The following STPG4 variants were observed in gnomAD, a reference collection of about 807,000 sequenced individuals.
STPG4 encodes the protein protein STPG4.
In STPG4, 41 loss-of-function variants were observed where a neutral mutation model predicts 31.5. The ratio of observed to expected loss-of-function variants is 1.30; its 90% CI spans 1.01 to 1.69. STPG4 has a LOEUF of 1.69. Ranked by LOEUF, STPG4 falls within the 40% of genes most tolerant of loss-of-function variation. STPG4 has a pLI of 0.00. For missense variants in STPG4, 375 were observed against 293.4 expected, an observed-to-expected ratio of 1.28 and a Z score of -2.03; for synonymous variants, 141 against 103.0, an observed-to-expected ratio of 1.37 and a Z score of -2.24.
intron 3 of STPG4, among the ~76,000 whole-genome samples, chr2:47,142,891 T>C (rs1686744126): frequency 7.5e-6 from 1 of 133,474 alleles, no homozygotes; most frequent in Non-Finnish European, 1.5e-5. Flanking sequence ...TTGCGCAGGC[T>C]GGAGTGCAGT....
intron 5 of STPG4, among the ~76,000 whole-genome samples, chr2:47,125,034 C>T (rs1295061982): frequency 6.6e-6 from 1 of 152,156 alleles, no homozygotes; most frequent in African/African-American, 2.4e-5. Flanking sequence ...ATGTTGAGCA[C>T]CGTTTTATAC....
rs1041093371 is a variant in STPG4, at chr2:47,116,555, C to T, written c.519+13386G>A. On this transcript the variant is annotated intron_variant, in intron 5 of 6. Transcript: ENST00000445927. ...AAGGCTACTGTCTAAAAGCATAGCA[C>T]ACGTGTTCCATGCACTGAAAGAACA... 2.0e-4 allele frequency among the ~76,000 whole-genome samples: 30 copies of T among 152,188 alleles called. 1 individual carries two copies. Among genetic ancestry groups the T allele is most frequent in the African/African-American group, 6.5e-4 (27 of 41,450 alleles).
chr2:47,122,870 G>T (rs1240262133), intron 5 of STPG4, among the ~76,000 whole-genome samples: 1 of 152,132 alleles, frequency 6.6e-6, no homozygotes, highest in African/African-American at 2.4e-5. Context: ...CTATTGCCCA[G>T]GCTGGAGAGC....
chr2:47,105,150 G>C (rs1685884324), intron 5 of STPG4, among the ~76,000 whole-genome samples: 1 of 151,904 alleles, frequency 6.6e-6, no homozygotes, highest in African/African-American at 2.4e-5. Flanking sequence ...CCACAGGACA[G>C]AACTTCTCTT....
intron 5 of STPG4, among the ~76,000 whole-genome samples, chr2:47,101,782 C>T (rs1424426012): frequency 1.3e-5 from 2 of 151,848 alleles, no homozygotes; most frequent in Non-Finnish European, 2.9e-5. Flanking sequence ...CCTTCCTATT[C>T]ATGAGCAAAG....
At chr2:47,153,390 G>A (rs753587336) in intron 1 of STPG4, among the ~76,000 whole-genome samples, 21 of 152,192 alleles carry the variant, frequency 1.4e-4, no homozygotes, top group Non-Finnish European at 2.6e-4. Context: ...TGCACTGGGT[G>A]AGTTACCCAA....
intron 5 of STPG4, among the ~76,000 whole-genome samples, chr2:47,128,349 C>A (rs544976106): frequency 2.3e-4 from 35 of 152,134 alleles, no homozygotes; most frequent in Non-Finnish European, 3.7e-4. Context: ...CTAGCTACTG[C>A]CCATGTTCAC....
At chr2:47,130,382 A>G (rs1686453419) in intron 3 of STPG4, 122 bp from the exon 4 acceptor site, 1 of 756,434 alleles carries the variant, frequency 1.3e-6, no homozygotes, top group African/African-American at 1.8e-5. Context: ...TCTTTACTTT[A>G]ATAGTGGAAA....
At position 47,088,848 on chromosome 2, in the gene STPG4, T is replaced by C. The variant is rs576889908; in HGVS notation, c.624+1422A>G. 5.9e-5 allele frequency among the ~76,000 whole-genome samples: 9 copies of C among 152,284 alleles called. No individual in the cohort carries two copies. The Middle Eastern group carries it at 0.01, about 173-fold the overall frequency. On this transcript the variant is annotated intron_variant, in intron 6 of 6. Transcript: ENST00000445927. ...ACGTCAAAGGAAGCTGAAGCCTTTA[T>C]TATTGCTATTAATGAGGGTTCAAAG...
intron 5 of STPG4, among the ~76,000 whole-genome samples, chr2:47,105,968 G>A (rs1289818983): frequency 6.6e-6 from 1 of 151,930 alleles, no homozygotes; most frequent in Admixed American, 6.6e-5. Flanking sequence ...CACTGACAAA[G>A]CCATCCAAAT....
At chr2:47,099,619 C>T (rs576451503) in intron 5 of STPG4, among the ~76,000 whole-genome samples, 1 of 152,402 alleles carries the variant, frequency 6.6e-6, no homozygotes, top group African/African-American at 2.4e-5. Flanking sequence ...TGCCTGGGCT[C>T]CCACTTTGGC....
chr2:47,139,165 T>C (rs2103792089), intron 3 of STPG4, among the ~76,000 whole-genome samples: 1 of 152,366 alleles, frequency 6.6e-6, no homozygotes, highest in East Asian at 1.9e-4. Flanking sequence ...CTGCCTGCTG[T>C]ATTTGTCCAT....
chr2:47,137,878 G>A (rs1686629457), intron 3 of STPG4, among the ~76,000 whole-genome samples: 1 of 151,890 alleles, frequency 6.6e-6, no homozygotes, highest in Admixed American at 6.6e-5. Flanking sequence ...TTCTTAGTTA[G>A]CCTAGATAGA....
intron 5 of STPG4, among the ~76,000 whole-genome samples, chr2:47,108,045 C>T (rs1297817367): frequency 1.3e-5 from 2 of 151,808 alleles, no homozygotes; most frequent in East Asian, 3.9e-4. Flanking sequence ...TGCACCAATC[C>T]ACACTCTGTA....
rs1354800528 is a variant in STPG4, at chr2:47,142,701, C to T, written c.399+8557G>A. Among the ~76,000 whole-genome samples, 3 of 152,112 alleles carry T rather than the reference C, an allele frequency of 2.0e-5. No individual in the cohort carries two copies. The East Asian group carries it at 5.8e-4, about 29-fold the overall frequency. On this transcript the variant is annotated intron_variant, in intron 3 of 6. Coordinates refer to ENST00000445927, the MANE Select transcript of STPG4 (RefSeq NM_001163561.2). ...TCAGGGGAAAAAAGTATGCATTTAA[C>T]ATCACATATATGTACATTTGTTTTC...
At chr2:47,155,039 G>C (rs1405158496) in intron 1 of STPG4, 132 bp downstream of exon 1, 25 of 761,912 alleles carry the variant, frequency 3.3e-5, no homozygotes, top group Non-Finnish European at 4.9e-5. Flanking sequence ...ACGTGCGTGA[G>C]GGCAGGGAGA....
At chr2:47,123,668 C>T (rs1000486179) in intron 5 of STPG4, among the ~76,000 whole-genome samples, 1 of 151,986 alleles carries the variant, frequency 6.6e-6, no homozygotes, top group Non-Finnish European at 1.5e-5. Flanking sequence ...ATTGGTTACT[C>T]ATTTCTCGTA....
At chr2:47,114,042 A>G (rs959828863) in intron 5 of STPG4, among the ~76,000 whole-genome samples, 3 of 151,522 alleles carry the variant, frequency 2.0e-5, no homozygotes, top group Non-Finnish European at 4.4e-5. Flanking sequence ...AAAAAAACAA[A>G]AACAAAAACA....
At chr2:47,113,854 GA>G (rs1346268309) in intron 5 of STPG4, among the ~76,000 whole-genome samples, 1 of 152,008 alleles carries the variant, frequency 6.6e-6, no homozygotes, top group Non-Finnish European at 1.5e-5. Flanking sequence ...CCAACATGGT[GA>G]AACCCCGTCT....
Sources: gnomAD v4.1 joint callset for allele counts (sites outside exome capture counted in the v4.1 genomes callset) on GRCh38, gnomAD v4.1.1 for gene constraint, MANE v1.5 for transcripts, NCBI Gene and HGNC (gene_info 2026-07-23, HGNC 2026-07-21) for gene names.